Variants in MIX23 observed in about 807,000 individuals in gnomAD.
MIX23 encodes the protein protein MIX23.
Under a neutral mutation model 21.6 loss-of-function variants are expected in MIX23, and 13 were observed. The ratio of observed to expected loss-of-function variants is 0.60; its 90% CI spans 0.39 to 0.96. The LOEUF (loss-of-function observed/expected upper bound fraction) is 0.96. Ranked by LOEUF, MIX23 falls within the 40% of genes least tolerant of loss-of-function variation. The pLI, the probability that MIX23 is intolerant of heterozygous loss-of-function variation, is 0.00. For missense variants in MIX23, 144 were observed against 171.2 expected (o/e 0.84, Z 0.89); for synonymous variants, 59 against 58.0 (o/e 1.02, Z -0.08).
At chr3:122,368,788 CTAAGTCATGTA>C (rs2075416877) in intron 2 of MIX23, among the ~76,000 whole-genome samples, 1 of 152,170 alleles carries the variant, frequency 6.6e-6, no homozygotes, top group Non-Finnish European at 1.5e-5. Context: ...AAATTATAAA[CTAAGTCATGTA>C]TAGAAGATTT....
chr3:122,367,448 T>C (rs941355362), intron 3 of MIX23, among the ~76,000 whole-genome samples: 1 of 152,176 alleles, frequency 6.6e-6, no homozygotes, highest in Non-Finnish European at 1.5e-5. Flanking sequence ...CTGCATTAAC[T>C]GTATTCTGAA....
chr3:122,366,742 T>C (rs993060501), intron 3 of MIX23: 2 of 152,010 alleles, frequency 1.3e-5, no homozygotes, highest in African/African-American at 4.8e-5. Flanking sequence ...GAGTTTGAGA[T>C]AAACCCGTGT....
At chr3:122,371,830 C>T in intron 1 of MIX23, 30 bp from the exon 2 acceptor site, 1 of 1,527,606 alleles carries the variant, frequency 6.5e-7, no homozygotes. Flanking sequence ...AAGAATATAA[C>T]CCAAATGGAA....
chr3:122,379,437 T>C (rs1397268488), intron 1 of MIX23, among the ~76,000 whole-genome samples: 3 of 152,156 alleles, frequency 2.0e-5, no homozygotes, highest in African/African-American at 7.2e-5. Context: ...GCCAAAGCTG[T>C]TAAGGCAACT....
intron 1 of MIX23, among the ~76,000 whole-genome samples, chr3:122,381,543 C>T (rs2075531551): frequency 6.6e-6 from 1 of 152,072 alleles, no homozygotes; most frequent in East Asian, 1.9e-4. Flanking sequence ...GCCTGGTCAA[C>T]ATGGTGAAAC....
At chr3:122,369,323 C>T (rs964758743) in intron 2 of MIX23, among the ~76,000 whole-genome samples, 11 of 152,274 alleles carry the variant, frequency 7.2e-5, no homozygotes, top group African/African-American at 2.6e-4. Context: ...TTCATAATAA[C>T]CTTACTGATC....
rs1037513710 is a variant in MIX23, at chr3:122,371,538, C to T, written c.177+137G>A. ...TTAATGTGTAGTAACCAGATCAAAA[C>T]TTATATACACCATCAGGTATAGGCA... On this transcript the variant is annotated intron_variant, in intron 2 of 4. Transcript: ENST00000291458. 238 of 982,064 alleles carry T rather than the reference C, an allele frequency of 2.4e-4. 1 individual carries two copies. The highest frequency in any genetic ancestry group is 3.2e-4 in the Middle Eastern group (1 of 3,126). 60.8% of individuals were successfully genotyped at this position (982,064 alleles called of 1,614,324 possible). A position where few individuals can be genotyped will look rare whatever the true frequency, so the allele number is the denominator to read the frequency against.
At chr3:122,370,775 C>T (rs1477975571) in intron 2 of MIX23, among the ~76,000 whole-genome samples, 2 of 152,122 alleles carry the variant, frequency 1.3e-5, no homozygotes, top group African/African-American at 2.4e-5. Context: ...CCCATCCTGT[C>T]GACTCCCAAT....
intron 1 of MIX23, 40 bp downstream of exon 1, chr3:122,383,134 A>G (rs1240603953): frequency 6.2e-7 from 1 of 1,612,704 alleles, no homozygotes; most frequent in Non-Finnish European, 8.5e-7. Flanking sequence ...CTGGGGACAA[A>G]AGGAGGCACA....
At chr3:122,363,282 C>A (rs1212917765) in intron 3 of MIX23, among the ~76,000 whole-genome samples, 2 of 148,486 alleles carry the variant, frequency 1.3e-5, no homozygotes, top group African/African-American at 2.6e-5. Flanking sequence ...AAAAAAATAT[C>A]CCAAGGCCAG....
chr3:122,375,476 A>G (rs1399917743), intron 1 of MIX23, among the ~76,000 whole-genome samples: 1 of 152,158 alleles, frequency 6.6e-6, no homozygotes, highest in South Asian at 2.1e-4. Flanking sequence ...ATAGACAGAA[A>G]TTTTACAGAA....
Position 122,359,857 on chromosome 3 carries a change from A to AG in MIX23, c.*11_*12insC. Reference sequence around the variant, plus strand: ...AAAAAAAAAAAAAAAAAAAAAAAAAAAGAATCTCTCTTTATTCATTCTTTG... The same window carrying AG: ...AAAAAAAAAAAAAAAAAAAAAAAAAAGAGAATCTCTCTTTATTCATTCTTTG... On this transcript the variant is annotated 3_prime_UTR_variant, in exon 5 of 5. Transcript: ENST00000291458. 6.9e-7 allele frequency: 1 copy of AG among 1,443,998 alleles called. No homozygotes were observed. The highest frequency in any genetic ancestry group is 9.2e-7 in the Non-Finnish European group (1 of 1,086,218). The allele number at this position is 1,443,998 out of a possible 1,614,324, so 89.4% of individuals were successfully genotyped here.
intron 4 of MIX23, 42 bp from the exon 5 acceptor site, chr3:122,359,961 G>A: frequency 1.3e-6 from 2 of 1,542,874 alleles, no homozygotes; most frequent in Non-Finnish European, 1.8e-6. Flanking sequence ...GAGTTATCCT[G>A]CGTAAATCAG....
intron 1 of MIX23, among the ~76,000 whole-genome samples, chr3:122,376,827 G>C (rs983103923): frequency 2.6e-5 from 4 of 152,178 alleles, no homozygotes; most frequent in Non-Finnish European, 4.4e-5. Context: ...AGGGTAAGGA[G>C]GAAGGTGGGG....
intron 1 of MIX23, among the ~76,000 whole-genome samples, chr3:122,376,531 A>C (rs922968153): frequency 3.3e-5 from 5 of 152,274 alleles, no homozygotes; most frequent in South Asian, 2.1e-4. Context: ...AGGCAGGAGA[A>C]TAGCTTGAAC....
intron 1 of MIX23, among the ~76,000 whole-genome samples, chr3:122,375,202 T>C (rs1376396199): frequency 6.6e-6 from 1 of 152,182 alleles, no homozygotes; most frequent in African/African-American, 2.4e-5. Flanking sequence ...TTAGGATATA[T>C]TTTGAAGATA....
chr3:122,366,300 C>T (rs2075396266), intron 3 of MIX23, among the ~76,000 whole-genome samples: 1 of 152,100 alleles, frequency 6.6e-6, no homozygotes. Flanking sequence ...AGGGATCCAC[C>T]AGTGCCTGTG....
intron 1 of MIX23, among the ~76,000 whole-genome samples, chr3:122,376,991 T>G (rs374053465): frequency 6.6e-6 from 1 of 152,074 alleles, no homozygotes; most frequent in Non-Finnish European, 1.5e-5. Flanking sequence ...GAGACCAGTT[T>G]GGCCATGGCA....
chr3:122,372,051 T>C (rs2075445488), intron 1 of MIX23, among the ~76,000 whole-genome samples: 1 of 152,118 alleles, frequency 6.6e-6, no homozygotes, highest in African/African-American at 2.4e-5. Context: ...GGGTTAAGAC[T>C]GTTTTACTCA....
Sources: gnomAD v4.1 joint callset for allele counts (sites outside exome capture counted in the v4.1 genomes callset) on GRCh38, gnomAD v4.1.1 for gene constraint, MANE v1.5 for transcripts, NCBI Gene and HGNC (gene_info 2026-07-23, HGNC 2026-07-21) for gene names.